Variants in GRIK4 observed in about 807,000 individuals in gnomAD.
The protein encoded by GRIK4 is glutamate ionotropic receptor kainate type subunit 4, also known as glutamate receptor ionotropic, kainate 4.
A neutral mutation model predicts 104.9 loss-of-function variants in GRIK4; 40 were observed. That is an observed-to-expected ratio of 0.38 (90% CI 0.30 to 0.50). GRIK4 has a LOEUF of 0.50. Ranked by LOEUF, GRIK4 falls within the 20% of genes least tolerant of loss-of-function variation. The pLI, the probability that GRIK4 is intolerant of heterozygous loss-of-function variation, is 0.93. For missense variants in GRIK4, 1,047 were observed against 1,308.1 expected (o/e 0.80, Z 3.08); for synonymous variants, 485 against 524.9 (o/e 0.92, Z 1.04).
chr11:120,584,471 A>T (rs1948631605), intron 1 of GRIK4, among the ~76,000 whole-genome samples: 1 of 152,222 alleles, frequency 6.6e-6, no homozygotes, highest in African/African-American at 2.4e-5. Context: ...GGGAGCAGGC[A>T]GTTACATGGT....
At chr11:120,605,513 T>G (rs1948948924) in intron 1 of GRIK4, among the ~76,000 whole-genome samples, 1 of 152,228 alleles carries the variant, frequency 6.6e-6, no homozygotes, top group Non-Finnish European at 1.5e-5. Context: ...AGTTCCCAGC[T>G]TAGCGTCTGA....
At position 120,832,043 on chromosome 11, in the gene GRIK4, C is replaced by T. The variant is rs766483570; in HGVS notation, c.690+13C>T. ...CATCCTCCTGAAGGTGGGAGCCTCC[C>T]TCTCTCCCCCACCCCCTGCTGAGCT... On this transcript the variant is annotated intron_variant, in intron 7 of 20. Coordinates refer to ENST00000527524, the MANE Select transcript of GRIK4 (RefSeq NM_014619.5). The T allele has an allele frequency of 6.3e-6, 10 of 1,586,170 alleles. No individual in the cohort carries two copies. Among genetic ancestry groups the T allele is most frequent in the African/African-American group, 2.7e-5 (2 of 74,416 alleles).
chr11:120,748,221 C>T (rs1951481688), intron 3 of GRIK4, among the ~76,000 whole-genome samples: 1 of 152,084 alleles, frequency 6.6e-6, no homozygotes, highest in African/African-American at 2.4e-5. Flanking sequence ...CCTCCTCTAG[C>T]ACTTGGCTGT....
chr11:120,974,924 A>G (rs1392134443), intron 19 of GRIK4, among the ~76,000 whole-genome samples: 1 of 152,270 alleles, frequency 6.6e-6, no homozygotes, highest in Non-Finnish European at 1.5e-5. Context: ...CTATAAAAAG[A>G]AAATATCGCT....
intron 3 of GRIK4, among the ~76,000 whole-genome samples, chr11:120,784,953 C>T (rs1190422878): frequency 2.0e-5 from 3 of 152,160 alleles, no homozygotes; most frequent in Non-Finnish European, 4.4e-5. Flanking sequence ...ATTGAATTAT[C>T]CCGGACAATG....
chr11:120,696,383 A>C (rs1950449173), intron 3 of GRIK4, among the ~76,000 whole-genome samples: 1 of 151,948 alleles, frequency 6.6e-6, no homozygotes, highest in Non-Finnish European at 1.5e-5. Context: ...TCAAGAGTCC[A>C]GACTTGAAAA....
intron 1 of GRIK4, among the ~76,000 whole-genome samples, chr11:120,626,422 G>A (rs1470731721): frequency 2.0e-5 from 3 of 152,218 alleles, no homozygotes; most frequent in African/African-American, 7.2e-5. Context: ...GAGGGAAACT[G>A]ATGCGCTTCC....
chr11:120,684,412 A>G (rs1950243767), intron 3 of GRIK4, among the ~76,000 whole-genome samples: 1 of 152,252 alleles, frequency 6.6e-6, no homozygotes, highest in Non-Finnish European at 1.5e-5. Context: ...TCAGTTATTC[A>G]TAGTATGGCC....
chr11:120,558,017 CAAAAAAAAA>C (rs59960959), intron 1 of GRIK4, among the ~76,000 whole-genome samples: 2 of 39,596 alleles, frequency 5.1e-5, no homozygotes, highest in East Asian at 1.9e-3. Flanking sequence ...GACTCCGTCT[CAAAAAAAAA>C]AAAAAAAAAA....
At chr11:120,885,856 C>G (rs1426453208) in intron 11 of GRIK4, among the ~76,000 whole-genome samples, 1 of 152,204 alleles carries the variant, frequency 6.6e-6, no homozygotes, top group Non-Finnish European at 1.5e-5. Context: ...TCAGAGCTGA[C>G]TAGGGTGGAC....
intron 8 of GRIK4, among the ~76,000 whole-genome samples, chr11:120,847,088 C>T (rs1247608862): frequency 6.6e-6 from 1 of 152,210 alleles, no homozygotes; most frequent in Non-Finnish European, 1.5e-5. Context: ...TGCCAAGGTG[C>T]TAATGTCCAT....
chr11:120,766,364 G>A (rs1337557064), intron 3 of GRIK4, among the ~76,000 whole-genome samples: 1 of 152,192 alleles, frequency 6.6e-6, no homozygotes, highest in Non-Finnish European at 1.5e-5. Flanking sequence ...GGAATTTCAG[G>A]CCAGTGGATC....
Position 120,786,942 on chromosome 11 carries a change from A to G in GRIK4, c.83-15751A>G, listed in dbSNP as rs557840475. On this transcript the variant is annotated intron_variant, in intron 3 of 20. Transcript: ENST00000527524. ...GGTGGAGATGTGCTTTAAATATAAA[A>G]TGCACACTGGATTTTGAAGTTCTGG... Among the ~76,000 whole-genome samples, 20 of 152,354 alleles carry G rather than the reference A, an allele frequency of 1.3e-4. No individual in the cohort carries two copies. The East Asian group carries it at 3.8e-3, about 29-fold the overall frequency.
intron 13 of GRIK4, among the ~76,000 whole-genome samples, chr11:120,935,590 A>G (rs970468793): frequency 3.3e-5 from 5 of 152,240 alleles, no homozygotes; most frequent in Non-Finnish European, 7.3e-5. Context: ...TATTGTATTT[A>G]CTTTGAAGCA....
intron 3 of GRIK4, among the ~76,000 whole-genome samples, chr11:120,737,683 G>A (rs1284375623): frequency 2.0e-5 from 3 of 152,122 alleles, no homozygotes; most frequent in Non-Finnish European, 2.9e-5. Flanking sequence ...ATGCACTTGG[G>A]TGATAAATCA....
chr11:120,934,062 G>A (rs968267900), intron 13 of GRIK4, among the ~76,000 whole-genome samples: 8 of 151,972 alleles, frequency 5.3e-5, no homozygotes, highest in Non-Finnish European at 7.4e-5. Flanking sequence ...AAAATTAGTC[G>A]GGCATGGTGG....
At chr11:120,736,786 T>G (rs2077623) in intron 3 of GRIK4, among the ~76,000 whole-genome samples, 3 of 150,840 alleles carry the variant, frequency 2.0e-5, no homozygotes, top group Non-Finnish European at 3.0e-5. Flanking sequence ...CTCTCTCCCC[T>G]CACCCTGCCC....
At chr11:120,753,267 C>T (rs896999324) in intron 3 of GRIK4, among the ~76,000 whole-genome samples, 4 of 151,046 alleles carry the variant, frequency 2.6e-5, no homozygotes, top group African/African-American at 7.3e-5. Flanking sequence ...AAAGCCTGGG[C>T]CAGCAGTTGA....
intron 8 of GRIK4, among the ~76,000 whole-genome samples, chr11:120,842,361 A>G (rs1243519089): frequency 6.6e-6 from 1 of 152,226 alleles, no homozygotes; most frequent in African/African-American, 2.4e-5. Flanking sequence ...TGGAAGTGAC[A>G]CGTATTATTT....
Sources: gnomAD v4.1 joint callset for allele counts (sites outside exome capture counted in the v4.1 genomes callset) on GRCh38, gnomAD v4.1.1 for gene constraint, MANE v1.5 for transcripts, NCBI Gene and HGNC (gene_info 2026-07-23, HGNC 2026-07-21) for gene names.